Variants in KCNQ5 observed in about 807,000 individuals in gnomAD.
The protein encoded by KCNQ5 is potassium voltage-gated channel subfamily KQT member 5.
Under a neutral mutation model 98.2 loss-of-function variants are expected in KCNQ5, and 30 were observed. That is an observed-to-expected ratio of 0.31 (90% confidence interval 0.23 to 0.41). The LOEUF is 0.41. KCNQ5 is among the 10% of genes least tolerant of loss of function. The pLI, the probability that KCNQ5 is intolerant of heterozygous loss-of-function variation, is 1.00. For missense variants in KCNQ5, 835 were observed against 1,182.5 expected (o/e 0.71, Z 4.31); for synonymous variants, 458 against 449.4 (o/e 1.02, Z -0.24).
At chr6:73,105,392 C>G (rs1774958699) in intron 6 of KCNQ5, 25 bp downstream of exon 6, 1 of 1,459,842 alleles carries the variant, frequency 6.9e-7, no homozygotes, top group East Asian at 2.3e-5. Context: ...ACCAATAAAG[C>G]AGTTTAAATT....
intron 1 of KCNQ5, among the ~76,000 whole-genome samples, chr6:72,971,178 G>A (rs537505775): frequency 1.2e-4 from 18 of 152,170 alleles, no homozygotes; most frequent in Non-Finnish European, 2.4e-4. Context: ...ATCAACATGT[G>A]GGTGAAGGAT....
chr6:73,042,504 T>C (rs1365363981), intron 3 of KCNQ5, among the ~76,000 whole-genome samples: 2 of 152,234 alleles, frequency 1.3e-5, no homozygotes, highest in Admixed American at 6.5e-5. Flanking sequence ...GTTTATGCTC[T>C]GGATCAGCTG....
intron 1 of KCNQ5, among the ~76,000 whole-genome samples, chr6:72,995,975 A>G (rs1769280589): frequency 6.6e-6 from 1 of 152,256 alleles, no homozygotes; most frequent in Non-Finnish European, 1.5e-5. Context: ...ATACCTTGTA[A>G]CGTGCAGAAA....
chr6:72,719,218 T>C (rs141519180), intron 1 of KCNQ5, among the ~76,000 whole-genome samples: 60 of 152,328 alleles, frequency 3.9e-4, no homozygotes, highest in African/African-American at 1.4e-3. Flanking sequence ...TGGAAAAGTA[T>C]TCTGTCTTCA....
chr6:72,913,655 T>C lies in KCNQ5; in HGVS notation c.399-90253T>C, dbSNP rs567650630. On this transcript the variant is annotated intron_variant, in intron 1 of 13. Coordinates refer to ENST00000370398, the MANE Select transcript of KCNQ5 (RefSeq NM_019842.4). ...GTTGTGTAAAGTCTATCTGTTCTCA[T>C]GTGAAATCTGTAGACATTTTAAACA... is the stretch of plus-strand genomic sequence containing the variant. Among the ~76,000 whole-genome samples, 77 of 152,348 alleles carry C rather than the reference T, an allele frequency of 5.1e-4. 1 individual carries two copies. The South Asian group carries it at 8.5e-3, about 17-fold the overall frequency.
At chr6:72,813,148 C>A (rs1775324758) in intron 1 of KCNQ5, among the ~76,000 whole-genome samples, 1 of 151,852 alleles carries the variant, frequency 6.6e-6, no homozygotes, top group South Asian at 2.1e-4. Flanking sequence ...ATTTTGTGTT[C>A]ATTGTATCTG....
intron 1 of KCNQ5, among the ~76,000 whole-genome samples, chr6:72,833,304 G>A (rs942841807): frequency 5.3e-5 from 8 of 152,078 alleles, no homozygotes; most frequent in Non-Finnish European, 7.4e-5. Flanking sequence ...GGGTTATTCG[G>A]GAGGTAGAGT....
intron 1 of KCNQ5, among the ~76,000 whole-genome samples, chr6:72,856,241 T>G (rs1167156178): frequency 1.3e-5 from 2 of 152,182 alleles, no homozygotes; most frequent in Non-Finnish European, 2.9e-5. Flanking sequence ...TTTGCTCAAT[T>G]TTTTCATTGC....
chr6:72,717,562 G>A (rs1429159736), intron 1 of KCNQ5, among the ~76,000 whole-genome samples: 1 of 152,142 alleles, frequency 6.6e-6, no homozygotes, highest in Non-Finnish European at 1.5e-5. Context: ...AATAACACAT[G>A]TATTGTCAGT....
chr6:72,854,864 T>A (rs1487397618), intron 1 of KCNQ5, among the ~76,000 whole-genome samples: 1 of 151,414 alleles, frequency 6.6e-6, no homozygotes, highest in East Asian at 2.0e-4. Context: ...ATTTTCCAAT[T>A]CTAATTACAT....
intron 1 of KCNQ5, among the ~76,000 whole-genome samples, chr6:72,922,810 C>CTTTTTTTTTTTTTTTTTTTTT (rs369263359): frequency 1.9e-5 from 2 of 103,832 alleles, no homozygotes; most frequent in Non-Finnish European, 3.9e-5. Flanking sequence ...TTTTCTTTTT[C>CTTTTTTTTTTTTTTTTTTTTT]TTTTTTTTTT....
chr6:72,636,985 G>T (rs1176911259), intron 1 of KCNQ5, among the ~76,000 whole-genome samples: 1 of 152,230 alleles, frequency 6.6e-6, no homozygotes, highest in African/African-American at 2.4e-5. Context: ...GCGTTCAGCT[G>T]CCTGTGCAAG....
intron 2 of KCNQ5, among the ~76,000 whole-genome samples, chr6:73,026,840 C>G (rs1474688197): frequency 6.6e-6 from 1 of 150,828 alleles, no homozygotes; most frequent in Non-Finnish European, 1.5e-5. Flanking sequence ...ATTTTTCATT[C>G]CAATTTTATA....
chr6:72,701,066 A>G (rs1209467410), intron 1 of KCNQ5, among the ~76,000 whole-genome samples: 2 of 152,224 alleles, frequency 1.3e-5, no homozygotes, highest in African/African-American at 4.8e-5. Context: ...TGGGACTTTA[A>G]TACCAGAGAT....
intron 1 of KCNQ5, among the ~76,000 whole-genome samples, chr6:72,632,548 A>G (rs776769121): frequency 2.0e-5 from 3 of 152,028 alleles, no homozygotes; most frequent in Non-Finnish European, 4.4e-5. Flanking sequence ...CATAGTACCC[A>G]ATTGTTAGTT....
chr6:72,697,806 T>G (rs1251211225), intron 1 of KCNQ5, among the ~76,000 whole-genome samples: 1 of 152,240 alleles, frequency 6.6e-6, no homozygotes, highest in Non-Finnish European at 1.5e-5. Flanking sequence ...GATATGTTAA[T>G]TAGCTTGATT....
At chr6:72,801,450 C>T (rs1774651481) in intron 1 of KCNQ5, among the ~76,000 whole-genome samples, 1 of 134,712 alleles carries the variant, frequency 7.4e-6, no homozygotes, top group Non-Finnish European at 1.6e-5. Flanking sequence ...GATTGCAACC[C>T]CTGCCTTTTT....
At chr6:72,856,065 G>A (rs993881297) in intron 1 of KCNQ5, among the ~76,000 whole-genome samples, 3 of 152,222 alleles carry the variant, frequency 2.0e-5, no homozygotes, top group African/African-American at 7.2e-5. Flanking sequence ...ATCTTTATTA[G>A]GCACAGCTGC....
chr6:73,086,446 C>T (rs948968882), intron 5 of KCNQ5, among the ~76,000 whole-genome samples: 1 of 152,102 alleles, frequency 6.6e-6, no homozygotes, highest in African/African-American at 2.4e-5. Flanking sequence ...GTACTTTACC[C>T]CATCAGGAAG....
Sources: allele counts gnomAD v4.1 joint callset (sites outside exome capture counted in the v4.1 genomes callset), GRCh38; gene constraint gnomAD v4.1.1; transcripts MANE v1.5; gene names NCBI Gene and HGNC (gene_info 2026-07-23, HGNC 2026-07-21).